The following WWOX variants were observed in gnomAD, a reference collection of about 807,000 sequenced individuals.
The protein encoded by WWOX is WW domain containing oxidoreductase.
A neutral mutation model predicts 46.2 loss-of-function variants in WWOX; 69 were observed. The ratio of observed to expected loss-of-function variants is 1.49; its 90% confidence interval spans 1.23 to 1.82. WWOX has a LOEUF of 1.82. WWOX is among the 40% of genes most tolerant of loss of function. The pLI, the probability that WWOX is intolerant of heterozygous loss-of-function variation, is 0.00. For missense variants in WWOX, 919 were observed against 542.6 expected (o/e 1.69, Z -6.89); for synonymous variants, 359 against 202.6 (o/e 1.77, Z -6.56).
chr16:78,864,881 G>A (rs1425273414), intron 8 of WWOX, among the ~76,000 whole-genome samples: 4 of 143,110 alleles, frequency 2.8e-5, no homozygotes, highest in Admixed American at 1.5e-4. Context: ...TCCTGCTTCA[G>A]CCCCCCGAGT....
In WWOX at chr16:79,189,798, G is replaced by A. The variant is rs1075585; in HGVS notation, c.1057-21810G>A. On this transcript the variant is annotated intron_variant, in intron 8 of 8. Coordinates refer to ENST00000566780, the MANE Select transcript of WWOX (RefSeq NM_016373.4). ...CACAGTTGTTACCTGCTCCCGGTGG[G>A]AGGGGGGGGATATTTATTTGGCATC... is the stretch of plus-strand genomic sequence containing the variant. 3.1e-3 allele frequency among the ~76,000 whole-genome samples: 472 copies of A among 151,738 alleles called. 4 individuals carry two copies. The highest frequency in any genetic ancestry group is 4.7e-3 in the Admixed American group (72 of 15,240).
intron 3 of WWOX, among the ~76,000 whole-genome samples, chr16:78,113,545 A>T (rs1188927142): frequency 6.6e-6 from 1 of 152,116 alleles, no homozygotes; most frequent in African/African-American, 2.4e-5. Flanking sequence ...TTTGGGGGGA[A>T]CCTGGAAATT....
intron 8 of WWOX, among the ~76,000 whole-genome samples, chr16:78,712,327 C>A (rs1373316487): frequency 6.6e-6 from 1 of 152,006 alleles, no homozygotes; most frequent in South Asian, 2.1e-4. Flanking sequence ...CCTGGTGAAA[C>A]TCTGTCTCTA....
intron 5 of WWOX, among the ~76,000 whole-genome samples, chr16:78,197,059 T>G (rs1009396961): frequency 6.6e-6 from 1 of 152,126 alleles, no homozygotes; most frequent in Non-Finnish European, 1.5e-5. Flanking sequence ...TTAGTGGGAG[T>G]TGAGAGCCAG....
intron 8 of WWOX, among the ~76,000 whole-genome samples, chr16:78,598,994 G>A (rs374396520): frequency 2.6e-5 from 4 of 152,136 alleles, no homozygotes; most frequent in Admixed American, 1.3e-4. Flanking sequence ...TGGCAGGGTC[G>A]GCATTGAGGT....
intron 8 of WWOX, among the ~76,000 whole-genome samples, chr16:78,729,225 C>A (rs1409098758): frequency 6.6e-6 from 1 of 151,732 alleles, no homozygotes; most frequent in African/African-American, 2.4e-5. Flanking sequence ...GCCTGTTGTC[C>A]CAGCTATTTG....
At chr16:78,246,445 AG>A (rs1398158277) in intron 5 of WWOX, among the ~76,000 whole-genome samples, 4 of 152,180 alleles carry the variant, frequency 2.6e-5, no homozygotes, top group Admixed American at 2.6e-4. Flanking sequence ...TTTAAAGAAG[AG>A]GGGGGAAACC....
intron 8 of WWOX, among the ~76,000 whole-genome samples, chr16:78,670,981 C>A (rs1347162873): frequency 1.3e-5 from 2 of 151,866 alleles, no homozygotes; most frequent in African/African-American, 4.8e-5. Flanking sequence ...GGAGTGGTGC[C>A]ATCTACCAGC....
chr16:78,844,046 C>G (rs191014630), intron 8 of WWOX, among the ~76,000 whole-genome samples: 2 of 152,288 alleles, frequency 1.3e-5, no homozygotes, highest in Admixed American at 1.3e-4. Context: ...AATTTGGTAA[C>G]ATTTTTATAA....
chr16:79,162,539 C>T (rs1055906967), intron 8 of WWOX, among the ~76,000 whole-genome samples: 2 of 152,164 alleles, frequency 1.3e-5, no homozygotes, highest in Non-Finnish European at 2.9e-5. Context: ...CCTCAGTTAC[C>T]TCTAGCCCTG....
intron 8 of WWOX, among the ~76,000 whole-genome samples, chr16:78,907,336 A>G (rs1337751261): frequency 6.6e-6 from 1 of 152,184 alleles, no homozygotes; most frequent in Non-Finnish European, 1.5e-5. Flanking sequence ...AGGTTCTACA[A>G]AGTGATGTTA....
intron 8 of WWOX, among the ~76,000 whole-genome samples, chr16:78,541,327 A>C (rs1366068060): frequency 1.3e-5 from 2 of 150,988 alleles, no homozygotes; most frequent in East Asian, 3.9e-4. Context: ...ACAAAAAATT[A>C]GCCGGGCGTA....
intron 6 of WWOX, among the ~76,000 whole-genome samples, chr16:78,403,359 A>G (rs1272653526): frequency 6.6e-6 from 1 of 152,226 alleles, no homozygotes; most frequent in Admixed American, 6.5e-5. Flanking sequence ...ACTATTCTAT[A>G]AAGTTATTAA....
intron 8 of WWOX, among the ~76,000 whole-genome samples, chr16:78,671,592 GC>G (rs2047465356): frequency 1.3e-5 from 2 of 152,208 alleles, no homozygotes; most frequent in South Asian, 4.2e-4. Flanking sequence ...TACTCTCAGA[GC>G]CCTGATTTTC....
chr16:79,179,272 T>C (rs772177496), intron 8 of WWOX, among the ~76,000 whole-genome samples: 32 of 152,206 alleles, frequency 2.1e-4, no homozygotes, highest in Non-Finnish European at 3.5e-4. Context: ...GGGTGGTGAA[T>C]GAACATAAAA....
chr16:78,476,841 G>T (rs963482904), intron 8 of WWOX, among the ~76,000 whole-genome samples: 1 of 152,020 alleles, frequency 6.6e-6, no homozygotes, highest in African/African-American at 2.4e-5. Flanking sequence ...AGGTTGTTTT[G>T]TTCGTTTTTC....
chr16:78,261,794 A>G (rs1043140024), intron 5 of WWOX, among the ~76,000 whole-genome samples: 60 of 66,140 alleles, frequency 9.1e-4, no homozygotes, highest in African/African-American at 3.6e-3. Context: ...CTATCTATAT[A>G]TATATATATA....
chr16:79,131,743 T>C (rs2049882862), intron 8 of WWOX, among the ~76,000 whole-genome samples: 2 of 152,188 alleles, frequency 1.3e-5, no homozygotes, highest in Admixed American at 1.3e-4. Context: ...CTTTACTCCT[T>C]GTATTAGTCC....
At chr16:79,004,414 A>C (rs775153028) in intron 8 of WWOX, 4 of 152,216 alleles carry the variant, frequency 2.6e-5, no homozygotes, top group African/African-American at 9.6e-5. Context: ...GAGTGGAGGA[A>C]CAGAGCCGAA....
Sources: gnomAD v4.1 joint callset for allele counts (sites outside exome capture counted in the v4.1 genomes callset) on GRCh38, gnomAD v4.1.1 for gene constraint, MANE v1.5 for transcripts, NCBI Gene and HGNC (gene_info 2026-07-23, HGNC 2026-07-21) for gene names.